Variants in KIRREL3 observed in about 807,000 individuals in gnomAD.
KIRREL3 encodes kirre like nephrin family adhesion molecule 3.
Under a neutral mutation model 89.7 loss-of-function variants are expected in KIRREL3, and 36 were observed. The ratio of observed to expected loss-of-function variants is 0.40; its 90% CI spans 0.31 to 0.53. The LOEUF is 0.53. Ranked by LOEUF, KIRREL3 falls within the 20% of genes least tolerant of loss-of-function variation. The pLI, the probability that KIRREL3 is intolerant of heterozygous loss-of-function variation, is 0.49. For synonymous variants in KIRREL3, 445 were observed against 441.4 expected, an observed-to-expected ratio of 1.01 and a Z score of -0.10; for missense variants, 864 against 1,056.6, an observed-to-expected ratio of 0.82 and a Z score of 2.53.
At chr11:126,927,554 C>A (rs1302350095) in intron 1 of KIRREL3, among the ~76,000 whole-genome samples, 1 of 152,144 alleles carries the variant, frequency 6.6e-6, no homozygotes, top group African/African-American at 2.4e-5. Context: ...GACCACTCTG[C>A]CTTTGGTCTA....
chr11:126,731,911 C>G (rs1263703575), intron 1 of KIRREL3, among the ~76,000 whole-genome samples: 1 of 152,228 alleles, frequency 6.6e-6, no homozygotes, highest in Non-Finnish European at 1.5e-5. Flanking sequence ...GAAATAGTAG[C>G]TACTTTGATG....
chr11:126,533,445 C>G (rs1266092019), intron 2 of KIRREL3, among the ~76,000 whole-genome samples: 3 of 152,332 alleles, frequency 2.0e-5, no homozygotes, highest in African/African-American at 7.2e-5. Context: ...TGTACACTAG[C>G]TCACTTCATC....
intron 4 of KIRREL3, among the ~76,000 whole-genome samples, chr11:126,509,552 T>G (rs1257902284): frequency 6.6e-6 from 1 of 152,372 alleles, no homozygotes; most frequent in African/African-American, 2.4e-5. Flanking sequence ...TCTGTGTGTG[T>G]TCATAAATGT....
chr11:126,797,089 T>C lies in KIRREL3; in HGVS notation c.55+203366A>G, dbSNP rs895451603. Among the ~76,000 whole-genome samples, 8 of 152,162 alleles carry C rather than the reference T, an allele frequency of 5.3e-5. No individual in the cohort carries two copies. The highest frequency in any genetic ancestry group is 3.9e-4 in the Admixed American group (6 of 15,278). ...TTGCGGGAGGGAAGAAGAAGCCTCATTCAGATCCCCCAGAGCCCACATTCG... is the reference window on the plus strand; with the variant it reads ...TTGCGGGAGGGAAGAAGAAGCCTCACTCAGATCCCCCAGAGCCCACATTCG... On this transcript the variant is annotated intron_variant, in intron 1 of 16. Transcript: ENST00000525144. This position sits in a 1 kb window ranked among gnomAD's most constrained non-coding sequence, Gnocchi z 4.9.
rs377164637 is a variant in KIRREL3, at chr11:126,436,957, G to A, written c.1406C>T (p.Thr469Met). ...CTCCTCGGTGCTGATGGTCTCCACCGTATAGCGCCCCGATGTGCCCGACTC... is the reference window on the plus strand; with the variant it reads ...CTCCTCGGTGCTGATGGTCTCCACCATATAGCGCCCCGATGTGCCCGACTC... ...VLESGTSGRY[T>M]VETISTEEGV... The change falls in exon 12 of 17, where the codon ACG becomes ATG. Residue 469 changes from threonine to methionine, a missense_variant. Coordinates refer to ENST00000525144, the MANE Select transcript of KIRREL3 (RefSeq NM_032531.4). 151 of 1,599,118 alleles carry A rather than the reference G, an allele frequency of 9.4e-5. No individual in the cohort carries two copies. The highest frequency in any genetic ancestry group is 1.2e-4 in the Admixed American group (7 of 59,376).
In KIRREL3 at chr11:126,783,348, G is replaced by T. The variant is rs1950385225; in HGVS notation, c.55+217107C>A. Reference sequence around the variant, plus strand: ...ACTCACTGGTCACATTGGATTAAGGGCTTACCTTACTCCAGTATGACTTCA... The same window carrying T: ...ACTCACTGGTCACATTGGATTAAGGTCTTACCTTACTCCAGTATGACTTCA... On this transcript the variant is annotated intron_variant, in intron 1 of 16. Coordinates refer to ENST00000525144, the MANE Select transcript of KIRREL3 (RefSeq NM_032531.4). The surrounding 1 kb of genome is among the most constrained non-coding windows in gnomAD (Gnocchi z 4.3). Among the ~76,000 whole-genome samples, 1 of 152,080 alleles carries T rather than the reference G, an allele frequency of 6.6e-6. No homozygotes were observed. The highest frequency in any genetic ancestry group is 2.4e-5 in the African/African-American group (1 of 41,402).
chr11:126,853,787 G>A (rs777061168), intron 1 of KIRREL3, among the ~76,000 whole-genome samples: 8 of 151,800 alleles, frequency 5.3e-5, no homozygotes, highest in Non-Finnish European at 1.2e-4. Context: ...CAAGGTCTCC[G>A]GCTCAGTTTT....
At chr11:126,552,516 C>CGGGA (rs1173364758) in intron 2 of KIRREL3, among the ~76,000 whole-genome samples, 1 of 145,672 alleles carries the variant, frequency 6.9e-6, no homozygotes, top group African/African-American at 2.5e-5. Context: ...GCCCTGGTCC[C>CGGGA]GGGATCACTG....
At chr11:126,929,282 C>T (rs967709535) in intron 1 of KIRREL3, among the ~76,000 whole-genome samples, 1 of 152,028 alleles carries the variant, frequency 6.6e-6, no homozygotes, top group Non-Finnish European at 1.5e-5. Context: ...CCCAGAGCCT[C>T]CTCCCAGGTC....
chr11:126,962,121 T>C (rs1403585494), intron 1 of KIRREL3, among the ~76,000 whole-genome samples: 1 of 152,226 alleles, frequency 6.6e-6, no homozygotes, highest in East Asian at 1.9e-4. Flanking sequence ...ACACCCATTC[T>C]GATTTCTATT....
rs1051178727 is a variant in KIRREL3, at chr11:126,612,062, A to G, written c.56-49150T>C. On this transcript the variant is annotated intron_variant, in intron 1 of 16. Transcript: ENST00000525144. The surrounding 1 kb of genome is among the most constrained non-coding windows in gnomAD (Gnocchi z 4.5). Reference sequence around the variant, plus strand: ...ATCTCCTTCACAACTCACGTCACTGATGGACTTACGCAGTTGGGTGTGTAT... The same window carrying G: ...ATCTCCTTCACAACTCACGTCACTGGTGGACTTACGCAGTTGGGTGTGTAT... 1.8e-4 allele frequency among the ~76,000 whole-genome samples: 27 copies of G among 152,162 alleles called. No homozygotes were observed. The highest frequency in any genetic ancestry group is 6.5e-4 in the African/African-American group (27 of 41,426).
rs1430746765 is a variant in KIRREL3, at chr11:126,508,538, G to A, written c.433+12777C>T. 6.6e-6 allele frequency among the ~76,000 whole-genome samples: 1 copy of A among 152,190 alleles called. No homozygotes were observed. Among genetic ancestry groups the A allele is most frequent in the Non-Finnish European group, 1.5e-5 (1 of 68,036 alleles). ...CCCCGATTCCATGAGCCCTGGGATG[G>A]TGGAAGGGTTCAAGCAGGGCTCCTG... On this transcript the variant is annotated intron_variant, in intron 4 of 16. Transcript: ENST00000525144. This position sits in a 1 kb window ranked among gnomAD's most constrained non-coding sequence, Gnocchi z 4.9.
intron 1 of KIRREL3, among the ~76,000 whole-genome samples, chr11:126,857,806 G>A (rs1187581780): frequency 6.8e-6 from 1 of 147,330 alleles, no homozygotes; most frequent in Non-Finnish European, 1.5e-5. Context: ...GTGAGGCTGG[G>A]CCCTCTAGCT....
At chr11:126,638,777 G>T (rs1264547679) in intron 1 of KIRREL3, among the ~76,000 whole-genome samples, 1 of 152,106 alleles carries the variant, frequency 6.6e-6, no homozygotes, top group Non-Finnish European at 1.5e-5. Context: ...TTGGTGAGAA[G>T]GTTGCTGCTG....
intron 1 of KIRREL3, among the ~76,000 whole-genome samples, chr11:126,868,908 T>A (rs1324704490): frequency 6.6e-6 from 1 of 152,076 alleles, no homozygotes; most frequent in East Asian, 1.9e-4. Context: ...GGCTGTATCC[T>A]CACTTGCTGG....
chr11:126,882,525 G>T (rs529670024), intron 1 of KIRREL3, among the ~76,000 whole-genome samples: 15 of 92,088 alleles, frequency 1.6e-4, no homozygotes, highest in African/African-American at 1.1e-3. Flanking sequence ...TCTGGCTCCT[G>T]GTACAAAGAG....
At chr11:126,901,129 G>A (rs527428684) in intron 1 of KIRREL3, among the ~76,000 whole-genome samples, 3 of 149,520 alleles carry the variant, frequency 2.0e-5, no homozygotes, top group African/African-American at 7.4e-5. Flanking sequence ...CAGGAGAATC[G>A]CTTGAACCTG....
At position 126,870,519 on chromosome 11, in the gene KIRREL3, G is replaced by C. The variant is rs566441436; in HGVS notation, c.55+129936C>G. On this transcript the variant is annotated intron_variant, in intron 1 of 16. Transcript: ENST00000525144. The surrounding 1 kb of genome is among the most constrained non-coding windows in gnomAD (Gnocchi z 4.4). Reference sequence around the variant, plus strand: ...GGCAGGTCCTTGCAAGAGGTAAAAGGCTCAGTAGAATGCAGCTTCCTGGCC... The same window carrying C: ...GGCAGGTCCTTGCAAGAGGTAAAAGCCTCAGTAGAATGCAGCTTCCTGGCC... 1.3e-5 allele frequency among the ~76,000 whole-genome samples: 2 copies of C among 152,310 alleles called. No individual in the cohort carries two copies. Among genetic ancestry groups the C allele is most frequent in the African/African-American group, 4.8e-5 (2 of 41,584 alleles).
At chr11:126,547,806 T>G (rs1006970196) in intron 2 of KIRREL3, among the ~76,000 whole-genome samples, 4 of 152,184 alleles carry the variant, frequency 2.6e-5, no homozygotes, top group African/African-American at 7.2e-5. Context: ...AAGTCTGCCC[T>G]GGACGATGGT....
Sources: gnomAD v4.1 joint callset for allele counts (sites outside exome capture counted in the v4.1 genomes callset) on GRCh38, gnomAD v4.1.1 for gene constraint, Gnocchi (gnomAD v3.1) non-coding constraint, MANE v1.5 for transcripts, NCBI Gene and HGNC (gene_info 2026-07-23, HGNC 2026-07-21) for gene names.